Variants in DIAPH2 observed in about 807,000 individuals in gnomAD.
The protein encoded by DIAPH2 is diaphanous related formin 2.
A neutral mutation model predicts 92.7 loss-of-function variants in DIAPH2; 35 were observed. The observed-to-expected ratio is 0.38, with a 90% CI of 0.29 to 0.50. DIAPH2 has a LOEUF of 0.50. Among genes scored for constraint, DIAPH2 ranks in the 20% least tolerant of loss-of-function variants. The pLI, the probability that DIAPH2 is intolerant of heterozygous loss-of-function variation, is 0.94. For missense variants in DIAPH2, 701 were observed against 819.5 expected (o/e 0.86, Z 1.77); for synonymous variants, 301 against 280.4 (o/e 1.07, Z -0.73).
chrX:96,825,120 A>AT (rs72064770), intron 4 of DIAPH2, among the ~76,000 whole-genome samples: 6,972 of 89,386 alleles, frequency 0.078, 704 homozygotes, highest in African/African-American at 0.26. Context: ...TAATTTTTGT[A>AT]TTTTTTTTTT....
At chrX:96,790,570 C>T (rs989939789) in intron 4 of DIAPH2, among the ~76,000 whole-genome samples, 1 of 111,033 alleles carries the variant, frequency 9.0e-6, no homozygotes, top group Non-Finnish European at 1.9e-5. Flanking sequence ...AACAGAGGCC[C>T]CCTTATCAGA....
chrX:97,535,283 C>G (rs2071087295), intron 26 of DIAPH2, among the ~76,000 whole-genome samples: 1 of 111,717 alleles, frequency 9.0e-6, no homozygotes, highest in Non-Finnish European at 1.9e-5. Context: ...TATGAGCACT[C>G]TTATACTATC....
intron 22 of DIAPH2, among the ~76,000 whole-genome samples, chrX:97,144,124 A>AG (rs1191792107): frequency 9.0e-6 from 1 of 111,323 alleles, no homozygotes; most frequent in Non-Finnish European, 1.9e-5. Flanking sequence ...CTGAGGTGGG[A>AG]GGAACACTTG....
At chrX:96,706,928 G>C (rs1488196715) in intron 1 of DIAPH2, among the ~76,000 whole-genome samples, 3 of 111,499 alleles carry the variant, frequency 2.7e-5, no homozygotes, top group African/African-American at 9.8e-5. Context: ...AACACACACA[G>C]AATCTTTGGG....
At position 97,570,127 on chromosome X, in the gene DIAPH2, AAGATAGAT is replaced by A. The variant is rs56210210; in HGVS notation, c.3242-29096_3242-29089del. On this transcript the variant is annotated intron_variant, in intron 26 of 26. Coordinates refer to ENST00000324765, the MANE Select transcript of DIAPH2 (RefSeq NM_006729.5). ...ATATATATATATATATATATATTAG[AAGATAGAT>A]AGATAGATAGATAGATAGATAGATA... Among the ~76,000 whole-genome samples the A allele has an allele frequency of 5.9e-3, 161 of 27,328 alleles. 2 individuals carry two copies. The highest frequency in any genetic ancestry group is 0.02 in the African/African-American group (146 of 7,219). The allele number at this position is 27,328 out of a possible 115,157, so 23.7% of individuals were successfully genotyped here.
intron 26 of DIAPH2, among the ~76,000 whole-genome samples, chrX:97,582,631 G>GAAT (rs2071448404): frequency 9.3e-6 from 1 of 107,326 alleles, no homozygotes; most frequent in Non-Finnish European, 1.9e-5. Flanking sequence ...TTCAGCTTTG[G>GAAT]TGAATCTGAC....
At chrX:96,725,422 T>C (rs1405594997) in intron 1 of DIAPH2, among the ~76,000 whole-genome samples, 1 of 112,408 alleles carries the variant, frequency 8.9e-6, no homozygotes, top group Non-Finnish European at 1.9e-5. Flanking sequence ...AAAACACTTT[T>C]TAAATTTTCT....
chrX:97,540,406 C>T (rs1006162268), intron 26 of DIAPH2, among the ~76,000 whole-genome samples: 2 of 111,773 alleles, frequency 1.8e-5, no homozygotes, highest in Admixed American at 9.5e-5. Context: ...CAGACACCTT[C>T]GCAGGAGCTG....
At chrX:97,164,379 A>C (rs893667072) in intron 22 of DIAPH2, among the ~76,000 whole-genome samples, 1 of 111,860 alleles carries the variant, frequency 8.9e-6, no homozygotes, top group African/African-American at 3.3e-5. Context: ...TCCTGCAAAG[A>C]AATTATATAA....
chrX:97,543,133 C>T (rs2071153505), intron 26 of DIAPH2, among the ~76,000 whole-genome samples: 1 of 112,474 alleles, frequency 8.9e-6, no homozygotes, highest in South Asian at 3.7e-4. Context: ...GCCCATTGGT[C>T]CAGGGTAGTC....
chrX:97,362,098 G>A (rs111934189), intron 24 of DIAPH2, among the ~76,000 whole-genome samples: 1,714 of 110,699 alleles, frequency 0.015, 27 homozygotes, highest in African/African-American at 0.053. Flanking sequence ...AAAATTAGCC[G>A]GGTGTGGTGG....
At chrX:97,535,289 C>T (rs1029185176) in intron 26 of DIAPH2, among the ~76,000 whole-genome samples, 3 of 111,923 alleles carry the variant, frequency 2.7e-5, no homozygotes, top group Non-Finnish European at 5.6e-5. Context: ...CACTCTTATA[C>T]TATCTCTGCA....
chrX:97,478,587 T>C (rs2070627618), intron 26 of DIAPH2, among the ~76,000 whole-genome samples: 1 of 112,114 alleles, frequency 8.9e-6, no homozygotes, highest in Admixed American at 9.5e-5. Flanking sequence ...ACATAGTTAA[T>C]TGTTCGCTGC....
intron 26 of DIAPH2, among the ~76,000 whole-genome samples, chrX:97,484,087 C>A (rs1183339813): frequency 9.0e-6 from 1 of 111,394 alleles, no homozygotes; most frequent in African/African-American, 3.3e-5. Context: ...TATTATATAT[C>A]AATCATAAAT....
intron 4 of DIAPH2, among the ~76,000 whole-genome samples, chrX:96,806,364 T>C (rs2064624330): frequency 9.0e-6 from 1 of 111,068 alleles, no homozygotes; most frequent in Non-Finnish European, 1.9e-5. Context: ...TTATATTTCA[T>C]AGTCGGGTGT....
At chrX:96,786,182 T>G (rs1335467831) in intron 4 of DIAPH2, among the ~76,000 whole-genome samples, 1 of 112,108 alleles carries the variant, frequency 8.9e-6, no homozygotes, top group Non-Finnish European at 1.9e-5. Flanking sequence ...GAGTCCCCTG[T>G]TGCCATCAGT....
chrX:97,017,931 C>T (rs1388627073), intron 17 of DIAPH2, among the ~76,000 whole-genome samples: 1 of 112,199 alleles, frequency 8.9e-6, no homozygotes, highest in African/African-American at 3.2e-5. Flanking sequence ...GGTGGAGAGC[C>T]AGGACTCGAG....
At chrX:96,696,436 T>C (rs752357568) in intron 1 of DIAPH2, among the ~76,000 whole-genome samples, 3 of 112,037 alleles carry the variant, frequency 2.7e-5, no homozygotes, top group South Asian at 7.5e-4. Flanking sequence ...TCAAAGTTTA[T>C]TGAAAGCTGT....
intron 26 of DIAPH2, among the ~76,000 whole-genome samples, chrX:97,598,734 A>G (rs750607953): frequency 8.9e-6 from 1 of 111,852 alleles, no homozygotes; most frequent in Non-Finnish European, 1.9e-5. Flanking sequence ...TATATAATAT[A>G]TTGAATTTTT....
Sources: allele counts gnomAD v4.1 joint callset (sites outside exome capture counted in the v4.1 genomes callset), GRCh38; gene constraint gnomAD v4.1.1; transcripts MANE v1.5; gene names NCBI Gene and HGNC (gene_info 2026-07-23, HGNC 2026-07-21).